The following ANK3 variants were observed in gnomAD, a reference collection of about 807,000 sequenced individuals.
ANK3 encodes ankyrin-3.
ANK3 carries 57 observed loss-of-function variants against 370.9 expected under a neutral mutation model. The ratio of observed to expected loss-of-function variants is 0.15; its 90% CI spans 0.12 to 0.19. ANK3 has a LOEUF of 0.19. Ranked by LOEUF, ANK3 falls within the 10% of genes least tolerant of loss-of-function variation. ANK3 has a pLI of 1.00. For synonymous variants in ANK3, 1,929 were observed against 1,946.3 expected (o/e 0.99, Z 0.23); for missense variants, 4,439 against 5,302.1 (o/e 0.84, Z 5.06).
At position 60,263,826 on chromosome 10, in the gene ANK3, G is replaced by T; in HGVS notation, c.699+9C>A. Reference sequence around the variant, plus strand: ...GTTGCATGACAGGCCCGTGTCCCTCGTGCCTCACCTTTGATTCCACATCTG... The same window carrying T: ...GTTGCATGACAGGCCCGTGTCCCTCTTGCCTCACCTTTGATTCCACATCTG... On this transcript the variant is annotated intron_variant, in intron 6 of 43. Transcript: ENST00000280772. 6.2e-7 allele frequency: 1 copy of T among 1,613,278 alleles called. No homozygotes were observed. The highest frequency in any genetic ancestry group is 8.5e-7 in the Non-Finnish European group (1 of 1,179,936).
chr10:60,474,435 A>T (rs1299959656), intron 2 of ANK3, among the ~76,000 whole-genome samples: 1 of 152,204 alleles, frequency 6.6e-6, no homozygotes, highest in Non-Finnish European at 1.5e-5. Flanking sequence ...GAGGGAAAGG[A>T]TGAAAGATGC....
Position 60,051,525 on chromosome 10 carries a change from C to G in ANK3, c.13065+4133G>C, listed in dbSNP as rs2077996020. 4.1e-6 allele frequency: 4 copies of G among 985,756 alleles called. No homozygotes were observed. The South Asian group carries it at 1.9e-4, about 46-fold the overall frequency. The allele number at this position is 985,756 out of a possible 1,614,324, so 61.1% of individuals were successfully genotyped here. ...ACTCGGGTAGTGACTCTCCGCTCTT[C>G]CTCTGAGCTTGAATCACTCTCACTG... On this transcript the variant is annotated intron_variant, in intron 42 of 43. Coordinates refer to ENST00000280772, the MANE Select transcript of ANK3 (RefSeq NM_020987.5).
intron 2 of ANK3, among the ~76,000 whole-genome samples, chr10:60,531,935 T>A (rs1340669030): frequency 6.6e-6 from 1 of 152,116 alleles, no homozygotes; most frequent in African/African-American, 2.4e-5. Context: ...TCACTTATGT[T>A]TGAGAAGCAC....
At chr10:60,398,801 A>G (rs1249446971) in intron 2 of ANK3, among the ~76,000 whole-genome samples, 3 of 152,226 alleles carry the variant, frequency 2.0e-5, no homozygotes, top group Non-Finnish European at 2.9e-5. Context: ...CATTCACTCA[A>G]TGGTCATCTT....
At chr10:60,463,502 T>C (rs2064939746) in intron 2 of ANK3, among the ~76,000 whole-genome samples, 1 of 152,126 alleles carries the variant, frequency 6.6e-6, no homozygotes, top group Admixed American at 6.6e-5. Context: ...ACTCAACTAT[T>C]TACCATTATT....
chr10:60,310,396 T>C (rs1251669557), intron 1 of ANK3, among the ~76,000 whole-genome samples: 2 of 152,186 alleles, frequency 1.3e-5, no homozygotes, highest in Non-Finnish European at 2.9e-5. Flanking sequence ...CAAACTTAGA[T>C]CCTATTTCCA....
chr10:60,174,343 T>C lies in ANK3; in HGVS notation c.2185-1157A>G, dbSNP rs150215583. Among the ~76,000 whole-genome samples the C allele has an allele frequency of 1.0e-3, 159 of 152,322 alleles. No individual in the cohort carries two copies. In the East Asian group the frequency reaches 0.021, roughly 20 times the overall value. Reference sequence around the variant, plus strand: ...CTCACCATAACCACATATAGGAAACTGACTTACAACCTCTAACGCTACTGA... The same window carrying C: ...CTCACCATAACCACATATAGGAAACCGACTTACAACCTCTAACGCTACTGA... On this transcript the variant is annotated intron_variant, in intron 18 of 43. Coordinates refer to ENST00000280772, the MANE Select transcript of ANK3 (RefSeq NM_020987.5).
chr10:60,356,986 G>A (rs1260085649), intron 1 of ANK3, among the ~76,000 whole-genome samples: 2 of 152,118 alleles, frequency 1.3e-5, no homozygotes, highest in African/African-American at 2.4e-5. Context: ...TGGGATTACC[G>A]GCGTGAGCCA....
chr10:60,387,452 G>GTATATGAAA (rs58908745), intron 1 of ANK3, among the ~76,000 whole-genome samples: 92,508 of 151,288 alleles, frequency 0.61, 28,669 homozygotes, highest in South Asian at 0.75. Flanking sequence ...ATTACAAGTA[G>GTATATGAAA]TATATGAAAT....
At chr10:60,202,749 C>T (rs986622679) in intron 12 of ANK3, among the ~76,000 whole-genome samples, 3 of 151,920 alleles carry the variant, frequency 2.0e-5, no homozygotes, top group African/African-American at 7.3e-5. Context: ...CTCTACAAAA[C>T]ATTTAAAAAT....
intron 28 of ANK3, among the ~76,000 whole-genome samples, chr10:60,096,962 T>G (rs2090264461): frequency 6.6e-6 from 1 of 152,166 alleles, no homozygotes; most frequent in Non-Finnish European, 1.5e-5. Context: ...GAAATTCCTC[T>G]CTCCTCTCTC....
rs557817428 is a variant in ANK3, at chr10:60,477,613, A to G, written c.96+137573T>C. The stretch of plus-strand genomic sequence containing the variant: ...AAAGTGTTACAGGGCTATTAAAACC[A>G]ACAAGCACAGTAACATAATAATAAA... On this transcript the variant is annotated intron_variant, in intron 2 of 43. Coordinates refer to the ANK3 transcript ENST00000373827. Among the ~76,000 whole-genome samples the G allele has an allele frequency of 2.0e-5, 3 of 151,930 alleles. No homozygotes were observed. In the South Asian group the frequency reaches 6.2e-4, roughly 32 times the overall value.
chr10:60,054,207 A>G (rs2078674749), intron 42 of ANK3, among the ~76,000 whole-genome samples: 1 of 152,170 alleles, frequency 6.6e-6, no homozygotes, highest in Non-Finnish European at 1.5e-5. Context: ...TATTCACAGG[A>G]AAAATACCAC....
At chr10:60,617,032 A>G (rs920253609) in intron 1 of ANK3, among the ~76,000 whole-genome samples, 1 of 152,158 alleles carries the variant, frequency 6.6e-6, no homozygotes, top group African/African-American at 2.4e-5. Context: ...ATTGATTTAT[A>G]AGAGCTCTTT....
chr10:60,212,465 G>T (rs2096872176), intron 9 of ANK3, among the ~76,000 whole-genome samples: 1 of 152,054 alleles, frequency 6.6e-6, no homozygotes, highest in African/African-American at 2.4e-5. Flanking sequence ...AAAAGGAAAA[G>T]AACAAATAGA....
chr10:60,500,083 T>G (rs1037100344), intron 2 of ANK3, among the ~76,000 whole-genome samples: 2 of 152,222 alleles, frequency 1.3e-5, no homozygotes, highest in Non-Finnish European at 2.9e-5. Context: ...GAGCTCCTGC[T>G]GCATCAATTA....
At chr10:60,471,271 AAAAC>A (rs1470359826) in intron 2 of ANK3, among the ~76,000 whole-genome samples, 3 of 152,206 alleles carry the variant, frequency 2.0e-5, no homozygotes, top group Admixed American at 2.0e-4. Context: ...ATAGTCCCAG[AAAAC>A]AAACAAACAA....
intron 2 of ANK3, among the ~76,000 whole-genome samples, chr10:60,401,741 C>A (rs1182072632): frequency 6.6e-6 from 1 of 152,128 alleles, no homozygotes; most frequent in East Asian, 1.9e-4. Context: ...ATTTTTTAAA[C>A]CAGTCCCTTT....
upstream of ANK3, among the ~76,000 whole-genome samples, chr10:60,391,780 A>G (rs2063115389): frequency 6.6e-6 from 1 of 152,224 alleles, no homozygotes; most frequent in Admixed American, 6.5e-5. Context: ...AAAATAAGCC[A>G]CAGGTATTTT....
Sources: allele counts gnomAD v4.1 joint callset (sites outside exome capture counted in the v4.1 genomes callset), GRCh38; gene constraint gnomAD v4.1.1; transcripts MANE v1.5; gene names NCBI Gene and HGNC (gene_info 2026-07-23, HGNC 2026-07-21).